Variants in ADSS1 observed in about 807,000 individuals in gnomAD.
ADSS1 encodes the protein adenylosuccinate synthetase isozyme 1.
A neutral mutation model predicts 59.1 loss-of-function variants in ADSS1; 57 were observed. The observed-to-expected ratio is 0.97, with a 90% CI of 0.78 to 1.20. The LOEUF is 1.20. ADSS1 is among the 50% of genes most tolerant of loss of function. ADSS1 has a pLI of 0.00. For synonymous variants in ADSS1, 247 were observed against 249.4 expected (o/e 0.99, Z 0.09); for missense variants, 603 against 610.3 (o/e 0.99, Z 0.13).
Position 104,735,080 on chromosome 14 carries a change from C to T in ADSS1, c.253C>T (p.Leu85=), listed in dbSNP as rs1372004977. 3 of 1,613,422 alleles carry T rather than the reference C, an allele frequency of 1.9e-6. No homozygotes were observed. Among genetic ancestry groups the T allele is most frequent in the Non-Finnish European group, 2.5e-6 (3 of 1,179,638 alleles). The part of the protein sequence containing the change: ...VDGKEYDFHL[L]PSGIINTKAV... ...TGGGAAAGAGTACGACTTCCACCTG[C>T]TGCCCAGCGGCATCATCAACACCAA... Residue 85 remains leucine, a synonymous_variant, in exon 2 of 13, where the codon CTG becomes TTG. Transcript: ENST00000330877.
chr14:104,737,759 A>G (rs566349981), intron 2 of ADSS1: 2 of 152,252 alleles, frequency 1.3e-5, no homozygotes, highest in Non-Finnish European at 2.9e-5. Context: ...GGGACTTCAT[A>G]TAAGCGGAAT....
chr14:104,741,655 T>C (rs1891362511), intron 8 of ADSS1, among the ~76,000 whole-genome samples, 193 bp from the exon 9 acceptor site: 1 of 152,208 alleles, frequency 6.6e-6, no homozygotes, highest in Admixed American at 6.5e-5. Flanking sequence ...CCAGACTCTT[T>C]TGTGAGCCAC....
At position 104,743,138 on chromosome 14, in the gene ADSS1, C is replaced by T. The variant is rs1384026299; in HGVS notation, c.1020C>T (p.Gly340=). The change falls in exon 10 of 13, where the codon GGC becomes GGT. Residue 340 remains glycine (G), a synonymous_variant. Transcript: ENST00000330877. The stretch of plus-strand genomic sequence containing the variant: ...CCACAGGCAGGAAGAGGCGCTGCGG[C>T]TGGCTCGACCTGATGATTCTAAGAT... ...GVTTGRKRRC[G]WLDLMILRYA... The T allele has an allele frequency of 6.2e-7, 1 of 1,612,710 alleles. No homozygotes were observed. Among genetic ancestry groups the T allele is most frequent in the Non-Finnish European group, 8.5e-7 (1 of 1,180,008 alleles).
intron 8 of ADSS1, among the ~76,000 whole-genome samples, chr14:104,741,542 A>G (rs1891355637): frequency 6.6e-6 from 1 of 152,120 alleles, no homozygotes. Flanking sequence ...CTGTACAGCC[A>G]TATCCCGTCC....
chr14:104,724,424 C>T lies in ADSS1; in HGVS notation c.154C>T (p.Leu52=). ...CGAGGGCAAAGGCAAGGTGGTGGAC[C>T]TGCTGGCCACGGACGCCGACATCAT... ...GDEGKGKVVD[L]LATDADIISR... The change falls in exon 1 of 13, where the codon CTG becomes TTG. Residue 52 remains leucine (L), a synonymous_variant. Transcript: ENST00000330877. 7.9e-7 allele frequency: 1 copy of T among 1,262,944 alleles called. No individual in the cohort carries two copies. Among genetic ancestry groups the T allele is most frequent in the Admixed American group, 3.8e-5 (1 of 26,274 alleles). The allele number at this position is 1,262,944 out of a possible 1,614,324, so 78.2% of individuals were successfully genotyped here. A position where few individuals can be genotyped will look rare whatever the true frequency, so the allele number is the denominator to read the frequency against.
At chr14:104,727,920 C>A (rs577132745) in intron 1 of ADSS1, among the ~76,000 whole-genome samples, 8 of 152,352 alleles carry the variant, frequency 5.3e-5, no homozygotes, top group African/African-American at 1.9e-4. Flanking sequence ...TCTGGCCATG[C>A]CCAGTACACG....
At chr14:104,745,111 G>A in intron 11 of ADSS1, 1 of 544,828 alleles carries the variant, frequency 1.8e-6, no homozygotes, top group African/African-American at 1.9e-5. Flanking sequence ...AGGCCTGGCT[G>A]GGCAGGGGTG....
Position 104,746,338 on chromosome 14 carries a change from AG to A in ADSS1, c.1276del (p.Ala426ProfsTer28). On this transcript the variant is annotated frameshift_variant, in exon 12 of 13. Transcript: ENST00000330877. LOFTEE classifies it high-confidence loss of function. Reference protein sequence around the residue: ...GARRWEDLPPQAQNYIRFVEN... With the variant: ...GARRWEDLPPXAQNYIRFVEN... ...AGGAGGTGGGAGGACCTGCCCCCAC[AG>A]GCCCAGAACTACATCCGCTTTGTGG... is the stretch of plus-strand genomic sequence containing the variant. 6.2e-7 allele frequency: 1 copy of A among 1,613,830 alleles called. No individual in the cohort carries two copies. The highest frequency in any genetic ancestry group is 8.5e-7 in the Non-Finnish European group (1 of 1,179,972).
intron 1 of ADSS1, among the ~76,000 whole-genome samples, chr14:104,733,084 C>G (rs1459700065): frequency 1.3e-5 from 2 of 152,100 alleles, no homozygotes; most frequent in African/African-American, 4.8e-5. Context: ...TGACCCTCCA[C>G]CCCCACCCTG....
rs889486088 is a variant in ADSS1, at chr14:104,740,130, C to T, written c.476+314C>T. On this transcript the variant is annotated intron_variant, in intron 5 of 12. Transcript: ENST00000330877. This position sits in a 1 kb window ranked among gnomAD's most constrained non-coding sequence, Gnocchi z 4.8. ...ACTCCACACGGCCCCAGGGAAGACACGAGGAACACTAAAGCAGTTTAGTAG... is the reference window on the plus strand; with the variant it reads ...ACTCCACACGGCCCCAGGGAAGACATGAGGAACACTAAAGCAGTTTAGTAG... Among the ~76,000 whole-genome samples the T allele has an allele frequency of 2.6e-5, 4 of 152,062 alleles. No individual in the cohort carries two copies. The highest frequency in any genetic ancestry group is 7.3e-5 in the African/African-American group (3 of 41,376).
At chr14:104,739,926 C>T (rs887680950) in intron 5 of ADSS1, 110 bp downstream of exon 5, 15 of 1,167,792 alleles carry the variant, frequency 1.3e-5, no homozygotes, top group Admixed American at 1.2e-4. Context: ...CCTCAACCCA[C>T]TCAAAGCCCC....
chr14:104,724,393 G>C lies in ADSS1; in HGVS notation c.123G>C (p.Trp41Cys), dbSNP rs763479592. 1.0e-5 allele frequency: 13 copies of C among 1,260,634 alleles called. No homozygotes were observed. In the African/African-American group the frequency reaches 2.0e-4, roughly 19 times the overall value. 78.1% of individuals were successfully genotyped at this position (1,260,634 alleles called of 1,614,324 possible). A position where few individuals can be genotyped will look rare whatever the true frequency, so the allele number is the denominator to read the frequency against. Residue 41 changes from tryptophan (W) to cysteine (C), a missense_variant, in exon 1 of 13, where the codon TGG becomes TGC. Coordinates refer to ENST00000330877, the MANE Select transcript of ADSS1 (RefSeq NM_152328.5). ...TGACGGTGGTGCTGGGCGCGCAGTG[G>C]GGGGACGAGGGCAAAGGCAAGGTGG... ...SRVTVVLGAQ[W>C]GDEGKGKVVD...
At chr14:104,729,563 G>C (rs1382981932) in intron 1 of ADSS1, among the ~76,000 whole-genome samples, 2 of 103,230 alleles carry the variant, frequency 1.9e-5, no homozygotes, top group African/African-American at 7.3e-5. Context: ...TCGGCGTGGT[G>C]GGGAGGAGCG....
rs2140832846 is a variant in ADSS1, at chr14:104,746,057, C to T, written c.1172-179C>T. 2.4e-5 allele frequency: 17 copies of T among 714,822 alleles called. No individual in the cohort carries two copies. In the South Asian group the frequency reaches 3.4e-4, roughly 14 times the overall value. 44.3% of individuals were successfully genotyped at this position (714,822 alleles called of 1,614,324 possible). On this transcript the variant is annotated intron_variant, in intron 11 of 12. Transcript: ENST00000330877. ...AGTGTCTGAGCCCCACTGCTGTCCCCTGCTTACCACCCAACACTGAGAAAA... is the reference window on the plus strand; with the variant it reads ...AGTGTCTGAGCCCCACTGCTGTCCCTTGCTTACCACCCAACACTGAGAAAA...
chr14:104,730,210 G>A (rs1234705574), intron 1 of ADSS1: 2 of 1,508,586 alleles, frequency 1.3e-6, no homozygotes, highest in East Asian at 5.0e-5. Context: ...CTGGAGGGGA[G>A]CGGGTGGGTG....
rs66802280 is a variant in ADSS1 at position 104,735,384 on chromosome 14, G to GCCTGATC, written c.295+287_295+293dup. ...ACATCCACCGCGCAGGAGCGGGAGT[G>GCCTGATC]CCTGATCCCTGATCCCTGATCCCTG... is the stretch of plus-strand genomic sequence containing the variant. On this transcript the variant is annotated intron_variant, in intron 2 of 12. Coordinates refer to ENST00000330877, the MANE Select transcript of ADSS1 (RefSeq NM_152328.5). Among the ~76,000 whole-genome samples, 14 of 152,206 alleles carry GCCTGATC rather than the reference G, an allele frequency of 9.2e-5. No individual in the cohort carries two copies. In the South Asian group the frequency reaches 1.7e-3, roughly 18 times the overall value.
chr14:104,736,883 T>TATATATATATATATAC (rs1891148710), intron 2 of ADSS1, among the ~76,000 whole-genome samples: 1 of 44,146 alleles, frequency 2.3e-5, no homozygotes, highest in Non-Finnish European at 3.8e-5. Flanking sequence ...ACCTAGCTGA[T>TATATATATATATATAC]ATATATATAT....
intron 8 of ADSS1, 82 bp downstream of exon 8, chr14:104,741,325 T>TG: frequency 6.7e-7 from 1 of 1,489,202 alleles, no homozygotes; most frequent in South Asian, 1.4e-5. Context: ...TGGGAACCGA[T>TG]GGGGGAGGGA....
intron 1 of ADSS1, among the ~76,000 whole-genome samples, chr14:104,732,428 T>C (rs1890964695): frequency 1.3e-5 from 2 of 152,184 alleles, no homozygotes; most frequent in Non-Finnish European, 2.9e-5. Context: ...TCTGGGGCCA[T>C]CGTCCTGGGC....
Sources: allele counts gnomAD v4.1 joint callset (sites outside exome capture counted in the v4.1 genomes callset), GRCh38; gene constraint gnomAD v4.1.1; non-coding constraint Gnocchi (gnomAD v3.1); transcripts MANE v1.5; gene names NCBI Gene and HGNC (gene_info 2026-07-23, HGNC 2026-07-21).